CECR2: variants seen among roughly 807,000 people sequenced by gnomAD.
CECR2 encodes the protein chromatin remodeling regulator CECR2.
Under a neutral mutation model 154.5 loss-of-function variants are expected in CECR2, and 30 were observed. That is an observed-to-expected ratio of 0.19 (90% CI 0.15 to 0.26). The LOEUF (loss-of-function observed/expected upper bound fraction) is 0.26, where lower values mean the gene tolerates loss of function less well. Ranked by LOEUF, CECR2 falls within the 10% of genes least tolerant of loss-of-function variation. The probability of loss-of-function intolerance (pLI) is 1.00; values close to 1 mark genes in which losing one functional copy is unlikely to be tolerated. For synonymous variants in CECR2, 725 were observed against 683.7 expected (o/e 1.06, Z -0.94); for missense variants, 1,743 against 1,829.3 (o/e 0.95, Z 0.86).
At chr22:17,518,216 T>C (rs2056093959) in intron 8 of CECR2, among the ~76,000 whole-genome samples, 1 of 152,176 alleles carries the variant, frequency 6.6e-6, no homozygotes, top group African/African-American at 2.4e-5. Context: ...TTACATAAAT[T>C]AAGTGATTAG....
At chr22:17,508,878 CTA>C (rs2055892348) in intron 7 of CECR2, among the ~76,000 whole-genome samples, 1 of 152,252 alleles carries the variant, frequency 6.6e-6, no homozygotes, top group Admixed American at 6.5e-5. Context: ...ATGTTTGAGA[CTA>C]TCTTACTGGT....
chr22:17,424,644 A>G (rs1256133964), intron 1 of CECR2: 1 of 163,444 alleles, frequency 6.1e-6, no homozygotes, highest in Non-Finnish European at 1.5e-5. Flanking sequence ...GCCAAAGTAC[A>G]CTCAGAAATG....
intron 1 of CECR2, among the ~76,000 whole-genome samples, chr22:17,444,148 T>C (rs928162262): frequency 6.6e-6 from 1 of 152,198 alleles, no homozygotes; most frequent in Non-Finnish European, 1.5e-5. Context: ...AGCTCAGTCA[T>C]CTTGTCACCC....
chr22:17,473,328 G>A (rs1353068861), intron 1 of CECR2, among the ~76,000 whole-genome samples: 9 of 152,204 alleles, frequency 5.9e-5, no homozygotes, highest in Admixed American at 5.9e-4. Flanking sequence ...TACAAAAGAG[G>A]AGGAGAGAAA....
At chr22:17,538,355 A>C (rs1162813954) in intron 10 of CECR2, among the ~76,000 whole-genome samples, 165 bp from the exon 11 acceptor site, 1 of 152,210 alleles carries the variant, frequency 6.6e-6, no homozygotes, top group Non-Finnish European at 1.5e-5. Flanking sequence ...ACTGTCCCTC[A>C]TTGTATTTCC....
chr22:17,526,048 C>T (rs935882776), intron 9 of CECR2, among the ~76,000 whole-genome samples: 1 of 152,046 alleles, frequency 6.6e-6, no homozygotes, highest in Non-Finnish European at 1.5e-5. Context: ...TCATGGATAA[C>T]AAGAATCAGT....
chr22:17,545,101 G>T (rs1053787065), intron 16 of CECR2, among the ~76,000 whole-genome samples: 1 of 152,056 alleles, frequency 6.6e-6, no homozygotes, highest in South Asian at 2.1e-4. Context: ...TAGGCCAGGC[G>T]CAGTGGCTCA....
At chr22:17,465,148 C>G (rs1411926567) in intron 1 of CECR2, among the ~76,000 whole-genome samples, 2 of 151,910 alleles carry the variant, frequency 1.3e-5, no homozygotes, top group Non-Finnish European at 2.9e-5. Flanking sequence ...AGGCGCCCAC[C>G]ACCACGCCCG....
intron 1 of CECR2, among the ~76,000 whole-genome samples, chr22:17,467,526 G>C (rs1412109553): frequency 6.6e-6 from 1 of 152,170 alleles, no homozygotes; most frequent in Non-Finnish European, 1.5e-5. Context: ...GCTCACACCT[G>C]TAATCCCAGC....
chr22:17,550,902 A>G (rs1461540545), intron 17 of CECR2, among the ~76,000 whole-genome samples: 3 of 152,116 alleles, frequency 2.0e-5, no homozygotes, highest in African/African-American at 7.2e-5. Flanking sequence ...AGATCATGCC[A>G]CTGCACTCCA....
At chr22:17,475,546 G>C (rs2055194879) in intron 1 of CECR2, among the ~76,000 whole-genome samples, 1 of 152,150 alleles carries the variant, frequency 6.6e-6, no homozygotes, top group East Asian at 1.9e-4. Context: ...TCCTACCTCA[G>C]CCTCCCAAGT....
At chr22:17,544,904 C>T (rs895238672) in intron 16 of CECR2, among the ~76,000 whole-genome samples, 8 of 147,700 alleles carry the variant, frequency 5.4e-5, no homozygotes, top group Non-Finnish European at 1.2e-4. Flanking sequence ...CCAGGGAGGT[C>T]AAGGCTACAA....
rs2056772196 is a variant in CECR2, at chr22:17,556,318, G to A, written c.*3478G>A. 4 of 152,192 alleles carry A rather than the reference G, an allele frequency of 2.6e-5. No homozygotes were observed. The highest frequency in any genetic ancestry group is 1.3e-4 in the Admixed American group (2 of 15,278). The allele number at this position is 152,192 out of a possible 1,614,324, so 9.4% of individuals were successfully genotyped here. A position where few individuals can be genotyped will look rare whatever the true frequency, so the allele number is the denominator to read the frequency against. On this transcript the variant is annotated 3_prime_UTR_variant, in exon 19 of 19. Transcript: ENST00000262608. ...GTGAAAACCTTAAGACCTGCAGTTT[G>A]TGCCCCTCAGTTCAGTCAGACCTCA...
At chr22:17,516,427 T>A (rs1202478123) in intron 8 of CECR2, among the ~76,000 whole-genome samples, 2 of 152,070 alleles carry the variant, frequency 1.3e-5, no homozygotes, top group East Asian at 3.9e-4. Context: ...GATAAATCCC[T>A]TCTTTAGAAA....
rs2063029598 is a variant in CECR2, at chr22:17,369,573, G to C, written c.-211G>C. ...CCCGCGGGCAGCCGCAGCCGCAGCC[G>C]CCTCAGTAGTTCGGGCCCCCGCGCC... is the stretch of plus-strand genomic sequence containing the variant. On this transcript the variant is annotated 5_prime_UTR_variant, in exon 1 of 19. Coordinates refer to ENST00000262608, the MANE Select transcript of CECR2 (RefSeq NM_001290047.2). 1 of 147,560 alleles carries C rather than the reference G, an allele frequency of 6.8e-6. No individual in the cohort carries two copies. The highest frequency in any genetic ancestry group is 6.8e-5 in the Admixed American group (1 of 14,814). 9.1% of individuals were successfully genotyped at this position (147,560 alleles called of 1,614,324 possible). A position where few individuals can be genotyped will look rare whatever the true frequency, so the allele number is the denominator to read the frequency against.
chr22:17,491,034 A>G (rs778396560), intron 2 of CECR2, among the ~76,000 whole-genome samples: 3 of 151,014 alleles, frequency 2.0e-5, no homozygotes, highest in Non-Finnish European at 4.4e-5. Flanking sequence ...AGTTTTAACC[A>G]TGTTGTAGCA....
intron 8 of CECR2, among the ~76,000 whole-genome samples, chr22:17,512,707 GAA>G (rs774207282): frequency 1.9e-3 from 230 of 122,438 alleles, no homozygotes; most frequent in East Asian, 3.0e-3. Context: ...CTCTGTCTCA[GAA>G]AAAAAAAAAA....
At chr22:17,414,754 C>CA (rs936964363) in intron 1 of CECR2, among the ~76,000 whole-genome samples, 23 of 152,006 alleles carry the variant, frequency 1.5e-4, no homozygotes, top group African/African-American at 5.3e-4. Context: ...TGTGCTCACT[C>CA]ACATTTTCAC....
At chr22:17,549,736 T>G (rs1601211003) in intron 17 of CECR2, among the ~76,000 whole-genome samples, 172 bp downstream of exon 17, 2 of 150,738 alleles carry the variant, frequency 1.3e-5, no homozygotes, top group South Asian at 4.2e-4. Context: ...ATCAGCTGTT[T>G]AAGTAACTGG....
Sources: allele counts gnomAD v4.1 joint callset (sites outside exome capture counted in the v4.1 genomes callset), GRCh38; gene constraint gnomAD v4.1.1; transcripts MANE v1.5; gene names NCBI Gene and HGNC (gene_info 2026-07-23, HGNC 2026-07-21).